The following CPA4 variants were observed in gnomAD, a reference collection of about 807,000 sequenced individuals.
The protein encoded by CPA4 is carboxypeptidase A4.
A neutral mutation model predicts 54.7 loss-of-function variants in CPA4; 49 were observed. That is an observed-to-expected ratio of 0.90 (90% CI 0.71 to 1.14). The LOEUF is 1.14. Ranked by LOEUF, CPA4 falls within the 50% of genes most tolerant of loss-of-function variation. The pLI is 0.00. For synonymous variants in CPA4, 215 were observed against 206.8 expected (o/e 1.04, Z -0.34); for missense variants, 487 against 525.1 (o/e 0.93, Z 0.71).
intron 6 of CPA4, chr7:130,306,393 A>G: frequency 4.6e-6 from 1 of 218,574 alleles, no homozygotes; most frequent in Non-Finnish European, 9.0e-6. Flanking sequence ...AAAAAAAGAA[A>G]GAAAGAAAGT....
At chr7:130,317,769 C>T (rs1319566306) in intron 10 of CPA4, among the ~76,000 whole-genome samples, 1 of 151,994 alleles carries the variant, frequency 6.6e-6, no homozygotes, top group Admixed American at 6.6e-5. Flanking sequence ...GCCCTTCTTT[C>T]CCCTCTATTG....
chr7:130,301,908 AG>A (rs1793743827), intron 4 of CPA4, among the ~76,000 whole-genome samples: 1 of 152,230 alleles, frequency 6.6e-6, no homozygotes, highest in African/African-American at 2.4e-5. Context: ...GAGCCCACAC[AG>A]GGATCAAGCC....
In CPA4 at chr7:130,304,507, A is replaced by C; in HGVS notation, c.414A>C (p.Ala138=). The part of the protein sequence containing the change: ...AIYHEMDNIA[A]DFPDLARRVK... Reference sequence around the variant, plus strand: ...ACCACGAGATGGACAACATTGCCGCAGACTTTCCTGACCTGGCGAGGAGGG... The same window carrying C: ...ACCACGAGATGGACAACATTGCCGCCGACTTTCCTGACCTGGCGAGGAGGG... Residue 138 remains alanine (A), a synonymous_variant, in exon 5 of 11, where the codon GCA becomes GCC. Transcript: ENST00000222482. 6.2e-7 allele frequency: 1 copy of C among 1,613,206 alleles called. No individual in the cohort carries two copies.
At chr7:130,299,506 A>G (rs950037181) in intron 3 of CPA4, 102 bp downstream of exon 3, 1 of 1,094,394 alleles carries the variant, frequency 9.1e-7, no homozygotes, top group Non-Finnish European at 1.3e-6. Context: ...ATCCTTTTCT[A>G]TTTTATAGAC....
At position 130,322,803 on chromosome 7, in the gene CPA4, C is replaced by A; in HGVS notation, c.*127C>A. The A allele has an allele frequency of 1.1e-6, 1 of 881,732 alleles. No homozygotes were observed. The highest frequency in any genetic ancestry group is 1.7e-6 in the Non-Finnish European group (1 of 592,806). The allele number at this position is 881,732 out of a possible 1,614,324, so 54.6% of individuals were successfully genotyped here. ...TGGGTTTGTGGAGCACACAGGCCTG[C>A]CCCTCTCCAGCCAGCTCCCTGGAGT... On this transcript the variant is annotated 3_prime_UTR_variant, in exon 11 of 11. Transcript: ENST00000222482.
intron 10 of CPA4, among the ~76,000 whole-genome samples, chr7:130,316,663 C>A (rs573568538): frequency 6.6e-6 from 1 of 152,042 alleles, no homozygotes; most frequent in South Asian, 2.1e-4. Context: ...TGAGGCTGGG[C>A]GCGTTGGCTC....
intron 10 of CPA4, among the ~76,000 whole-genome samples, chr7:130,312,408 C>T (rs149582129): frequency 1.1e-3 from 167 of 152,298 alleles, no homozygotes; most frequent in African/African-American, 3.9e-3. Flanking sequence ...ACTCCCTCAT[C>T]TTCCTAAAGG....
chr7:130,305,336 G>A (rs1186734059), intron 5 of CPA4, among the ~76,000 whole-genome samples: 1 of 152,168 alleles, frequency 6.6e-6, no homozygotes, highest in East Asian at 1.9e-4. Context: ...CTGACCCAAG[G>A]GGGCCCAACA....
In CPA4 at chr7:130,306,869, C is replaced by G. The variant is rs764118361; in HGVS notation, c.674C>G (p.Pro225Arg). ...ATTTTCTTGTTGCCTGTGGCCAATCCTGATGGATATGTGTATACTCAAACT... is the reference window on the plus strand; with the variant it reads ...ATTTTCTTGTTGCCTGTGGCCAATCGTGATGGATATGTGTATACTCAAACT... ...MDIFLLPVAN[P>R]DGYVYTQTQN... The change falls in exon 7 of 11, where the codon CCT (proline) becomes CGT (arginine). Residue 225 changes from proline to arginine, a missense_variant. Physicochemically the swap from Pro to Arg is moderately radical, Grantham distance 103. Coordinates refer to ENST00000222482, the MANE Select transcript of CPA4 (RefSeq NM_016352.4). The G allele has an allele frequency of 4.4e-6, 7 of 1,605,228 alleles. No individual in the cohort carries two copies. The South Asian group carries it at 5.5e-5, about 13-fold the overall frequency.
In CPA4 at chr7:130,304,524, C is replaced by A; in HGVS notation, c.431C>A (p.Ala144Glu). The change falls in exon 5 of 11, where the codon GCG becomes GAG. Residue 144 changes from alanine (A) to glutamate (E), a missense_variant. Transcript: ENST00000222482. ...ATTGCCGCAGACTTTCCTGACCTGG[C>A]GAGGAGGGTGAAGATTGGACATTCG... ...DNIAADFPDL[A>E]RRVKIGHSFE... 3 of 1,613,482 alleles carry A rather than the reference C, an allele frequency of 1.9e-6. No individual in the cohort carries two copies. Among genetic ancestry groups the A allele is most frequent in the Non-Finnish European group, 2.5e-6 (3 of 1,179,440 alleles).
intron 10 of CPA4, among the ~76,000 whole-genome samples, chr7:130,318,569 C>G (rs182086976): frequency 6.6e-6 from 1 of 152,238 alleles, no homozygotes; most frequent in Non-Finnish European, 1.5e-5. Flanking sequence ...GTGCCCCACC[C>G]CCAGCTAATT....
At position 130,323,895 on chromosome 7, in the gene CPA4, TTGTGTG is replaced by T. The variant is rs57842029; in HGVS notation, c.*1255_*1260del. On this transcript the variant is annotated 3_prime_UTR_variant, in exon 11 of 11. Transcript: ENST00000222482. Reference sequence around the variant, plus strand: ...GTATCCTGTGTTTCCTTGTCCTGGTTTGTGTGTGTGTGTGTGTGTGTGTGTGTGTGT... The same window carrying T: ...GTATCCTGTGTTTCCTTGTCCTGGTTTGTGTGTGTGTGTGTGTGTGTGTGT... 0.17 allele frequency: 24,760 copies of T among 145,116 alleles called. 2,122 individuals are homozygous for T. Among genetic ancestry groups the T allele is most frequent in the African/African-American group, 0.23 (9,038 of 38,966 alleles). The allele number at this position is 145,116 out of a possible 1,614,324, so 9.0% of individuals were successfully genotyped here. A position where few individuals can be genotyped will look rare whatever the true frequency, so the allele number is the denominator to read the frequency against.
chr7:130,321,161 C>CT (rs970309829), intron 10 of CPA4, among the ~76,000 whole-genome samples: 4 of 152,192 alleles, frequency 2.6e-5, no homozygotes, highest in African/African-American at 9.7e-5. Flanking sequence ...TGCCACTGCA[C>CT]TCCAGCCTGG....
At chr7:130,300,333 ATTTTT>A (rs767924823) in intron 3 of CPA4, among the ~76,000 whole-genome samples, 63 of 124,432 alleles carry the variant, frequency 5.1e-4, no homozygotes, top group Non-Finnish European at 8.7e-4. Context: ...CAAGAAGTAA[ATTTTT>A]TTTTTTTTTT....
At chr7:130,307,531 C>G (rs1793840929) in intron 7 of CPA4, among the ~76,000 whole-genome samples, 1 of 149,700 alleles carries the variant, frequency 6.7e-6, no homozygotes, top group Admixed American at 6.8e-5. Flanking sequence ...ACTTGGGAAG[C>G]TGAGGCAGGA....
intron 1 of CPA4, among the ~76,000 whole-genome samples, chr7:130,296,659 C>A: frequency 7.5e-6 from 1 of 133,068 alleles, no homozygotes. Flanking sequence ...CACACAAGAT[C>A]TTTCTAGCAG....
In CPA4 at chr7:130,321,412, C is replaced by T. The variant is rs140269222; in HGVS notation, c.1079-1077C>T. ...AAACTTAGCAGCTTAAAACAATCAA[C>T]GTCCATTTTCTTAGTTTCTGTAGGG... On this transcript the variant is annotated intron_variant, in intron 10 of 10. Transcript: ENST00000222482. Among the ~76,000 whole-genome samples the T allele has an allele frequency of 3.1e-3, 474 of 152,208 alleles. 6 individuals are homozygous for T. Among genetic ancestry groups the T allele is most frequent in the African/African-American group, 0.011 (462 of 41,524 alleles).
rs35924272 is a variant in CPA4 at position 130,305,911 on chromosome 7, G to A, written c.582G>A (p.Thr194=). ...EWISQATAIW[T]ARKIVSDYQR... ...TCTCCCAGGCCACTGCAATCTGGACGGCAAGGAAGGTCATGCTGCGTGGTA... is the reference window on the plus strand; with the variant it reads ...TCTCCCAGGCCACTGCAATCTGGACAGCAAGGAAGGTCATGCTGCGTGGTA... Residue 194 remains threonine, a synonymous_variant, in exon 6 of 11, where the codon ACG becomes ACA. Transcript: ENST00000222482. The A allele has an allele frequency of 3.4e-3, 5,472 of 1,612,898 alleles. 178 individuals are homozygous for A. The African/African-American group carries it at 0.066, about 19-fold the overall frequency.
chr7:130,311,526 C>A (rs779362750), intron 9 of CPA4, among the ~76,000 whole-genome samples: 1 of 151,966 alleles, frequency 6.6e-6, no homozygotes, highest in Non-Finnish European at 1.5e-5. Context: ...TCTGCTCCCC[C>A]ACCCCCACCC....
Sources: gnomAD v4.1 joint callset for allele counts (sites outside exome capture counted in the v4.1 genomes callset) on GRCh38, gnomAD v4.1.1 for gene constraint, MANE v1.5 for transcripts, NCBI Gene and HGNC (gene_info 2026-07-23, HGNC 2026-07-21) for gene names.